SYT16: variants seen among roughly 807,000 people sequenced by gnomAD.
SYT16 encodes synaptotagmin-16.
In SYT16, 42 loss-of-function variants were observed where a neutral mutation model predicts 61.4. The ratio of observed to expected loss-of-function variants is 0.68; its 90% CI spans 0.53 to 0.89. The LOEUF is 0.89. SYT16 is among the 40% of genes least tolerant of loss of function. SYT16 has a pLI of 0.00. For missense variants in SYT16, 804 were observed against 807.3 expected, an observed-to-expected ratio of 1.00 and a Z score of 0.05; for synonymous variants, 314 against 302.3, an observed-to-expected ratio of 1.04 and a Z score of -0.40.
rs980160346 is a variant in SYT16 at position 62,105,676 on chromosome 14, T to G, written c.*4969T>G. The G allele has an allele frequency of 2.6e-5, 4 of 152,228 alleles. No homozygotes were observed. Among genetic ancestry groups the G allele is most frequent in the African/African-American group, 9.6e-5 (4 of 41,454 alleles). 9.4% of individuals were successfully genotyped at this position (152,228 alleles called of 1,614,324 possible). A position where few individuals can be genotyped will look rare whatever the true frequency, so the allele number is the denominator to read the frequency against. On this transcript the variant is annotated 3_prime_UTR_variant, in exon 8 of 8. Coordinates refer to ENST00000683842, the MANE Select transcript of SYT16 (RefSeq NM_001367656.1). ...AACCTTGAGTAAAAAGGAGAGTTTCTGGAGAATTTAGAAGAATCTTTGTTG... is the reference window on the plus strand; with the variant it reads ...AACCTTGAGTAAAAAGGAGAGTTTCGGGAGAATTTAGAAGAATCTTTGTTG...
intron 1 of SYT16, among the ~76,000 whole-genome samples, chr14:61,955,090 A>G (rs1429990134): frequency 6.6e-6 from 1 of 152,132 alleles, no homozygotes; most frequent in East Asian, 1.9e-4. Context: ...CCATAGCAGG[A>G]TGGTATATAG....
chr14:61,944,213 A>G (rs1466320809), intron 1 of SYT16, among the ~76,000 whole-genome samples: 1 of 152,206 alleles, frequency 6.6e-6, no homozygotes, highest in Non-Finnish European at 1.5e-5. Flanking sequence ...ACTACAAACC[A>G]CTGCTCAAGG....
chr14:61,823,944 C>G (rs1337761426), intron 1 of SYT16, among the ~76,000 whole-genome samples: 3 of 152,306 alleles, frequency 2.0e-5, no homozygotes, highest in East Asian at 3.9e-4. Context: ...ATTCCATGTC[C>G]CTTTCTTGAA....
At chr14:61,842,132 G>A (rs1484739994) in intron 1 of SYT16, among the ~76,000 whole-genome samples, 1 of 152,156 alleles carries the variant, frequency 6.6e-6, no homozygotes, top group Non-Finnish European at 1.5e-5. Flanking sequence ...ATCACATCAT[G>A]TAAAATGAGG....
At chr14:61,886,912 C>CTTTTTTTTA (rs2047930727) in intron 1 of SYT16, among the ~76,000 whole-genome samples, 3 of 101,886 alleles carry the variant, frequency 2.9e-5, no homozygotes, top group Non-Finnish European at 4.0e-5. Context: ...TTTTTTTTTT[C>CTTTTTTTTA]CTTTTTATGG....
chr14:61,903,668 T>C (rs1203909552), intron 1 of SYT16, among the ~76,000 whole-genome samples: 1 of 152,224 alleles, frequency 6.6e-6, no homozygotes, highest in East Asian at 1.9e-4. Flanking sequence ...TATTCATTTT[T>C]TGACTGGGAT....
intron 7 of SYT16, among the ~76,000 whole-genome samples, chr14:62,092,173 AAC>A (rs56324432): frequency 0.11 from 14,432 of 130,622 alleles, 700 homozygotes; most frequent in Admixed American, 0.13. Flanking sequence ...TGGCTACTAT[AAC>A]ACACACACAC....
chr14:61,977,678 A>G (rs2051876272), intron 2 of SYT16, among the ~76,000 whole-genome samples: 1 of 152,132 alleles, frequency 6.6e-6, no homozygotes, highest in South Asian at 2.1e-4. Flanking sequence ...GTGGGGACAC[A>G]AAGTGTTACC....
At chr14:62,071,133 A>G (rs1207010621) in intron 4 of SYT16, among the ~76,000 whole-genome samples, 1 of 152,086 alleles carries the variant, frequency 6.6e-6, no homozygotes, top group Non-Finnish European at 1.5e-5. Flanking sequence ...CCAAACCACA[A>G]CATCAGTGGC....
At chr14:62,080,631 C>A (rs1470713013) in intron 5 of SYT16, among the ~76,000 whole-genome samples, 2 of 152,172 alleles carry the variant, frequency 1.3e-5, no homozygotes, top group African/African-American at 4.8e-5. Flanking sequence ...CACGAAGGCG[C>A]ACCATATGCT....
chr14:61,844,052 T>G (rs1041869930), intron 1 of SYT16, among the ~76,000 whole-genome samples: 1 of 152,216 alleles, frequency 6.6e-6, no homozygotes, highest in Non-Finnish European at 1.5e-5. Context: ...TATCTTTCCA[T>G]TTTTTGGTGC....
intron 3 of SYT16, among the ~76,000 whole-genome samples, chr14:62,068,626 C>T (rs938109915): frequency 6.6e-6 from 1 of 152,138 alleles, no homozygotes; most frequent in African/African-American, 2.4e-5. Context: ...TTGCTTCACT[C>T]TAGGAACCAT....
chr14:62,103,586 T>A lies in SYT16; in HGVS notation c.*2879T>A, dbSNP rs1257431625. The stretch of plus-strand genomic sequence containing the variant: ...ACTCTCTACTCCCCTCTGACTATTG[T>A]TGAATTTTTAAATGGACCATTCACC... On this transcript the variant is annotated 3_prime_UTR_variant, in exon 8 of 8. Coordinates refer to ENST00000683842, the MANE Select transcript of SYT16 (RefSeq NM_001367656.1). The A allele has an allele frequency of 6.6e-6, 1 of 152,244 alleles. No homozygotes were observed. The highest frequency in any genetic ancestry group is 2.4e-5 in the African/African-American group (1 of 41,462). The allele number at this position is 152,244 out of a possible 1,614,324, so 9.4% of individuals were successfully genotyped here.
chr14:61,906,311 CTT>C (rs1429143242), intron 1 of SYT16, among the ~76,000 whole-genome samples: 8 of 152,104 alleles, frequency 5.3e-5, no homozygotes, highest in Non-Finnish European at 1.2e-4. Context: ...GTAGCACAGT[CTT>C]TCTCTGTTAC....
At chr14:61,941,166 G>C (rs2050193961) in intron 1 of SYT16, among the ~76,000 whole-genome samples, 1 of 152,078 alleles carries the variant, frequency 6.6e-6, no homozygotes, top group African/African-American at 2.4e-5. Flanking sequence ...GCTCAGTAGG[G>C]TTAATTGCAC....
chr14:61,971,531 A>C (rs2051556289), intron 2 of SYT16, among the ~76,000 whole-genome samples: 1 of 152,200 alleles, frequency 6.6e-6, no homozygotes, highest in African/African-American at 2.4e-5. Flanking sequence ...GATCCATGAG[A>C]AAGCAAGGAG....
At chr14:61,980,565 A>G (rs1024145578) in intron 2 of SYT16, among the ~76,000 whole-genome samples, 3 of 152,150 alleles carry the variant, frequency 2.0e-5, no homozygotes, top group Non-Finnish European at 4.4e-5. Context: ...CGGCTGAGAG[A>G]TTACTGGTTT....
chr14:61,981,476 G>A (rs762843993), intron 2 of SYT16, among the ~76,000 whole-genome samples: 3 of 152,148 alleles, frequency 2.0e-5, no homozygotes, highest in Non-Finnish European at 4.4e-5. Context: ...CAAGAAAGTG[G>A]AGAGAAAATC....
chr14:62,075,622 A>AAAAAAAAAAAAAAAG (rs1566824423), intron 5 of SYT16, among the ~76,000 whole-genome samples: 1 of 113,358 alleles, frequency 8.8e-6, no homozygotes, highest in Non-Finnish European at 2.0e-5. Flanking sequence ...AAAAAAAAGA[A>AAAAAAAAAAAAAAAG]AAAAAGAAAA....
Sources: allele counts gnomAD v4.1 joint callset (sites outside exome capture counted in the v4.1 genomes callset), GRCh38; gene constraint gnomAD v4.1.1; transcripts MANE v1.5; gene names NCBI Gene and HGNC (gene_info 2026-07-23, HGNC 2026-07-21).